ADAMTS16: variants seen among roughly 807,000 people sequenced by gnomAD.
ADAMTS16 encodes A disintegrin and metalloproteinase with thrombospondin motifs 16.
ADAMTS16 carries 94 observed loss-of-function variants against 145.8 expected under a neutral mutation model. That is an observed-to-expected ratio of 0.64 (90% CI 0.55 to 0.77). The LOEUF is 0.77. Among genes scored for constraint, ADAMTS16 ranks in the 30% least tolerant of loss-of-function variants. The probability of loss-of-function intolerance (pLI) is 0.00; values close to 1 mark genes in which losing one functional copy is unlikely to be tolerated. For synonymous variants in ADAMTS16, 659 were observed against 604.3 expected, an observed-to-expected ratio of 1.09 and a Z score of -1.33; for missense variants, 1,585 against 1,591.5, an observed-to-expected ratio of 1.00 and a Z score of 0.07.
chr5:5,239,652 G>A lies in ADAMTS16; in HGVS notation c.2279-29G>A, dbSNP rs778132805. 9 of 1,608,254 alleles carry A rather than the reference G, an allele frequency of 5.6e-6. No homozygotes were observed. The South Asian group carries it at 6.6e-5, about 12-fold the overall frequency. On this transcript the variant is annotated intron_variant, in intron 15 of 22. Transcript: ENST00000274181. ...TTGCCCCTGCTTTCTGGAATGAAAA[G>A]CTGTATCTTCCCCATTTCCTTTATC...
intron 3 of ADAMTS16, among the ~76,000 whole-genome samples, chr5:5,168,133 A>G (rs777477757): frequency 1.3e-5 from 2 of 152,150 alleles, no homozygotes; most frequent in Non-Finnish European, 2.9e-5. Context: ...AATGTAAAGT[A>G]ACAATACTTA....
At chr5:5,235,261 G>T in intron 13 of ADAMTS16, 75 bp downstream of exon 13, 1 of 1,371,562 alleles carries the variant, frequency 7.3e-7, no homozygotes, top group Non-Finnish European at 9.6e-7. Flanking sequence ...ACATGATTGA[G>T]AGTGTGGTGC....
intron 3 of ADAMTS16, among the ~76,000 whole-genome samples, chr5:5,181,202 C>T (rs887680780): frequency 6.6e-6 from 1 of 152,170 alleles, no homozygotes; most frequent in South Asian, 2.1e-4. Flanking sequence ...GAATTGTGCA[C>T]GTTAACTCAT....
At chr5:5,230,204 A>G (rs1049836986) in intron 11 of ADAMTS16, among the ~76,000 whole-genome samples, 2 of 152,194 alleles carry the variant, frequency 1.3e-5, no homozygotes, top group African/African-American at 4.8e-5. Context: ...CCATTATTTT[A>G]TCACGTGAAT....
intron 12 of ADAMTS16, among the ~76,000 whole-genome samples, chr5:5,232,742 TA>T (rs1442620434): frequency 6.6e-6 from 1 of 151,722 alleles, no homozygotes; most frequent in Non-Finnish European, 1.5e-5. Context: ...TAGCTGGGAC[TA>T]TAGGTGCCAC....
At chr5:5,318,543 C>A (rs996099676) in intron 22 of ADAMTS16, among the ~76,000 whole-genome samples, 6 of 152,160 alleles carry the variant, frequency 3.9e-5, no homozygotes, top group African/African-American at 1.4e-4. Flanking sequence ...TTAAAGAAAG[C>A]AATCTTAACT....
At chr5:5,189,136 A>T (rs182247234) in intron 6 of ADAMTS16, among the ~76,000 whole-genome samples, 1 of 152,318 alleles carries the variant, frequency 6.6e-6, no homozygotes, top group East Asian at 1.9e-4. Flanking sequence ...TCAATACGAC[A>T]TCCTAACAGT....
intron 17 of ADAMTS16, among the ~76,000 whole-genome samples, chr5:5,253,163 A>G (rs1430097853): frequency 6.6e-6 from 1 of 152,178 alleles, no homozygotes; most frequent in Admixed American, 6.5e-5. Flanking sequence ...TATTTTGCCA[A>G]GATTAAGGAC....
chr5:5,278,334 C>A (rs1321765817), intron 18 of ADAMTS16, among the ~76,000 whole-genome samples: 1 of 152,120 alleles, frequency 6.6e-6, no homozygotes, highest in Non-Finnish European at 1.5e-5. Context: ...TCCTATTATC[C>A]ATTGCAGGTG....
intron 21 of ADAMTS16, among the ~76,000 whole-genome samples, chr5:5,316,544 G>A (rs1734064419): frequency 6.6e-6 from 1 of 152,062 alleles, no homozygotes; most frequent in Non-Finnish European, 1.5e-5. Flanking sequence ...ATTTTCAGTG[G>A]TTGATCTCAG....
chr5:5,232,561 T>C (rs754406075), intron 12 of ADAMTS16, 45 bp downstream of exon 12: 3 of 1,594,098 alleles, frequency 1.9e-6, no homozygotes, highest in Non-Finnish European at 2.6e-6. Context: ...CTGATTTCCA[T>C]GCCATGAACC....
chr5:5,181,211 A>C (rs1414431698), intron 3 of ADAMTS16, among the ~76,000 whole-genome samples: 1 of 152,212 alleles, frequency 6.6e-6, no homozygotes, highest in Non-Finnish European at 1.5e-5. Flanking sequence ...ACGTTAACTC[A>C]TAATGTCTGT....
chr5:5,202,165 A>C (rs1735977707), intron 9 of ADAMTS16, among the ~76,000 whole-genome samples: 1 of 152,050 alleles, frequency 6.6e-6, no homozygotes, highest in Non-Finnish European at 1.5e-5. Context: ...CTTCCCAGCC[A>C]GGATTTTGAT....
At chr5:5,161,984 G>A (rs1451482958) in intron 3 of ADAMTS16, among the ~76,000 whole-genome samples, 1 of 152,102 alleles carries the variant, frequency 6.6e-6, no homozygotes, top group African/African-American at 2.4e-5. Flanking sequence ...GGAGAAAAAC[G>A]TTTTCTCATC....
chr5:5,186,616 T>C (rs1421630222), intron 5 of ADAMTS16, among the ~76,000 whole-genome samples: 2 of 152,234 alleles, frequency 1.3e-5, no homozygotes, highest in Non-Finnish European at 2.9e-5. Context: ...TGATTTTAGA[T>C]GGCTCTATAG....
chr5:5,174,662 T>A (rs144041170), intron 3 of ADAMTS16, among the ~76,000 whole-genome samples: 1 of 152,354 alleles, frequency 6.6e-6, no homozygotes, highest in East Asian at 1.9e-4. Flanking sequence ...CTCTTCTGAC[T>A]GTATTTTCAA....
intron 17 of ADAMTS16, among the ~76,000 whole-genome samples, chr5:5,248,330 C>A (rs1170767876): frequency 6.6e-6 from 1 of 152,140 alleles, no homozygotes; most frequent in East Asian, 1.9e-4. Context: ...TTTCCAAAGA[C>A]CTGGCCAGAG....
At chr5:5,208,613 A>G (rs1464007318) in intron 9 of ADAMTS16, among the ~76,000 whole-genome samples, 2 of 152,210 alleles carry the variant, frequency 1.3e-5, no homozygotes, top group East Asian at 1.9e-4. Flanking sequence ...AACCTCTACA[A>G]TCTCGAAGAT....
chr5:5,255,411 T>C (rs1737747668), intron 17 of ADAMTS16, among the ~76,000 whole-genome samples: 1 of 152,250 alleles, frequency 6.6e-6, no homozygotes, highest in Non-Finnish European at 1.5e-5. Context: ...CAGACATCTG[T>C]AGCTCTCAGA....
Sources: gnomAD v4.1 joint callset for allele counts (sites outside exome capture counted in the v4.1 genomes callset) on GRCh38, gnomAD v4.1.1 for gene constraint, MANE v1.5 for transcripts, NCBI Gene and HGNC (gene_info 2026-07-23, HGNC 2026-07-21) for gene names.